The following MIA2 variants were observed in gnomAD, a reference collection of about 807,000 sequenced individuals.
MIA2 encodes MIA SH3 domain ER export factor 2.
In MIA2, 127 loss-of-function variants were observed where a neutral mutation model predicts 167.8. The ratio of observed to expected loss-of-function variants is 0.76; its 90% CI spans 0.66 to 0.88. The LOEUF (loss-of-function observed/expected upper bound fraction) is 0.88, where lower values mean the gene tolerates loss of function less well. Among genes scored for constraint, MIA2 ranks in the 40% least tolerant of loss-of-function variants. The pLI is 0.00. For synonymous variants in MIA2, 552 were observed against 541.9 expected, an observed-to-expected ratio of 1.02 and a Z score of -0.26; for missense variants, 1,690 against 1,624.7, an observed-to-expected ratio of 1.04 and a Z score of -0.69.
At chr14:39,264,262 C>T (rs1314759729) in intron 6 of MIA2, among the ~76,000 whole-genome samples, 1 of 152,164 alleles carries the variant, frequency 6.6e-6, no homozygotes, top group Non-Finnish European at 1.5e-5. Flanking sequence ...ATCCACGTTG[C>T]TGCAAAGAAT....
At chr14:39,334,430 G>C (rs1262958338) in intron 25 of MIA2, among the ~76,000 whole-genome samples, 3 of 150,854 alleles carry the variant, frequency 2.0e-5, no homozygotes, top group African/African-American at 7.3e-5. Context: ...AGCCGAGATT[G>C]CGCCACTGCA....
intron 25 of MIA2, among the ~76,000 whole-genome samples, chr14:39,342,451 G>T (rs1034678323): frequency 1.3e-5 from 2 of 152,116 alleles, no homozygotes; most frequent in Non-Finnish European, 2.9e-5. Flanking sequence ...TTGCTATTGT[G>T]AATAGTGCCT....
chr14:39,250,835 G>A (rs908532699), intron 4 of MIA2, among the ~76,000 whole-genome samples: 3 of 150,764 alleles, frequency 2.0e-5, no homozygotes, highest in Admixed American at 1.3e-4. Context: ...TAGTTTTGAG[G>A]AACTTTTATG....
chr14:39,326,785 C>T, intron 24 of MIA2, 79 bp from the exon 25 acceptor site: 6 of 1,266,836 alleles, frequency 4.7e-6, no homozygotes, highest in Non-Finnish European at 3.2e-6. Flanking sequence ...ATGATTTAAC[C>T]ACTGATTTTA....
chr14:39,244,263 G>A (rs779694275), intron 3 of MIA2, among the ~76,000 whole-genome samples: 55 of 152,314 alleles, frequency 3.6e-4, no homozygotes, highest in Non-Finnish European at 5.4e-4. Flanking sequence ...TGGGAAAGGG[G>A]GATTCTACTT....
At chr14:39,311,838 TTTTTTTTTTGAGA>T (rs2064350696) in intron 18 of MIA2, among the ~76,000 whole-genome samples, 1 of 149,034 alleles carries the variant, frequency 6.7e-6, no homozygotes, top group African/African-American at 2.5e-5. Flanking sequence ...GTGTGTGTGT[TTTTTTTTTTGAGA>T]TAGAGTCTAG....
At chr14:39,302,290 C>A in intron 15 of MIA2, 41 bp downstream of exon 15, 1 of 1,602,834 alleles carries the variant, frequency 6.2e-7, no homozygotes, top group Non-Finnish European at 8.5e-7. Context: ...AAAATGGTGA[C>A]TAGCTCTTCT....
Position 39,252,871 on chromosome 14 carries a change from T to G in MIA2, c.1691T>G (p.Val564Gly). 1.2e-6 allele frequency: 2 copies of G among 1,614,040 alleles called. No individual in the cohort carries two copies. The highest frequency in any genetic ancestry group is 1.7e-6 in the Non-Finnish European group (2 of 1,179,950). The change falls in exon 5 of 29, where the codon GTG becomes GGG. Residue 564 changes from valine (V) to glycine (G), a missense_variant. By Grantham distance (109) the Val-to-Gly change is moderately radical (BLOSUM62 -3). Coordinates refer to ENST00000640607, the MANE Select transcript of MIA2 (RefSeq NM_001329214.4). ...GTAGACACCGAAGGGCCTGCTCTGG[T>G]GGAGATAGACAGATCTGTGGAAAAT... ...PSVDTEGPAL[V>G]EIDRSVENTL...
At chr14:39,342,875 A>G (rs1420729195) in intron 25 of MIA2, among the ~76,000 whole-genome samples, 1 of 152,172 alleles carries the variant, frequency 6.6e-6, no homozygotes, top group African/African-American at 2.4e-5. Context: ...GTTCTGTTTT[A>G]TCAGCTTTCC....
chr14:39,367,325 ATGCAGG>A (rs2074843193), intron 23 of MIA2, among the ~76,000 whole-genome samples: 1 of 152,088 alleles, frequency 6.6e-6, no homozygotes, highest in African/African-American at 2.4e-5. Context: ...GGATGTGGAG[ATGCAGG>A]GGCTGTTGAG....
In MIA2 at chr14:39,348,624, C is replaced by T. The variant is rs2073908997; in HGVS notation, c.3838-119C>T. On this transcript the variant is annotated intron_variant, in intron 27 of 28. Coordinates refer to ENST00000640607, the MANE Select transcript of MIA2 (RefSeq NM_001329214.4). ...AAGCTGTTTGAATCTTTCTCTAGAGCTTTCTAAGACTATCATGGAATGCTT... is the reference window on the plus strand; with the variant it reads ...AAGCTGTTTGAATCTTTCTCTAGAGTTTTCTAAGACTATCATGGAATGCTT... The T allele has an allele frequency of 4.3e-6, 6 of 1,392,570 alleles. No individual in the cohort carries two copies. In the East Asian group the frequency reaches 1.4e-4, roughly 32 times the overall value. The allele number at this position is 1,392,570 out of a possible 1,614,324, so 86.3% of individuals were successfully genotyped here. A position where few individuals can be genotyped will look rare whatever the true frequency, so the allele number is the denominator to read the frequency against.
chr14:39,286,437 G>T (rs1595066397), intron 9 of MIA2, among the ~76,000 whole-genome samples: 1 of 151,882 alleles, frequency 6.6e-6, no homozygotes, highest in Admixed American at 6.5e-5. Context: ...AGACTGTGGA[G>T]AGGGGAGAGG....
At chr14:39,344,549 T>G (rs1030699173) in intron 25 of MIA2, among the ~76,000 whole-genome samples, 5 of 152,194 alleles carry the variant, frequency 3.3e-5, no homozygotes, top group Admixed American at 2.6e-4. Context: ...TAATTCTCTT[T>G]ATTGACTCTC....
intron 23 of MIA2, among the ~76,000 whole-genome samples, chr14:39,359,110 T>A (rs1274446943): frequency 1.3e-5 from 2 of 152,262 alleles, no homozygotes; most frequent in East Asian, 3.9e-4. Flanking sequence ...TCTGCAGAGG[T>A]TTCTGCTGCC....
intron 23 of MIA2, among the ~76,000 whole-genome samples, chr14:39,374,128 A>G (rs1338789976): frequency 6.6e-6 from 1 of 152,246 alleles, no homozygotes. Context: ...AAAGTCCAAT[A>G]TGAGCCTTGT....
chr14:39,327,445 T>G (rs1303194160), intron 25 of MIA2, among the ~76,000 whole-genome samples: 1 of 152,236 alleles, frequency 6.6e-6, no homozygotes, highest in African/African-American at 2.4e-5. Context: ...CTCTGTGCAG[T>G]TGTACCATTC....
rs1213913495 is a variant in MIA2 at position 39,317,976 on chromosome 14, T to C, written c.3249T>C (p.Asn1083=). The C allele has an allele frequency of 6.3e-7, 1 of 1,583,340 alleles. No individual in the cohort carries two copies. Among genetic ancestry groups the C allele is most frequent in the Non-Finnish European group, 8.6e-7 (1 of 1,168,662 alleles). ...CTCGGAATGCTGAAAGAAACCTCAA[T>C]GATTTAAGGAAAGAAAATGCTCACA... ...LAARNAERNL[N]DLRKENAHNR... The change falls in exon 22 of 29, where the codon AAT becomes AAC. Residue 1083 remains asparagine, a synonymous_variant. Coordinates refer to ENST00000640607, the MANE Select transcript of MIA2 (RefSeq NM_001329214.4).
Position 39,234,027 on chromosome 14 carries a change from G to C in MIA2, c.-88G>C. ...TTTTCTCTTATAGTTAGTGAAGAGA[G>C]TAGAATATCTCCAGTTTTGGCTGAC... is the stretch of plus-strand genomic sequence containing the variant. On this transcript the variant is annotated 5_prime_UTR_variant, in exon 1 of 29. Coordinates refer to ENST00000640607, the MANE Select transcript of MIA2 (RefSeq NM_001329214.4). The C allele has an allele frequency of 1.4e-6, 1 of 712,192 alleles. No homozygotes were observed. The allele number at this position is 712,192 out of a possible 1,614,324, so 44.1% of individuals were successfully genotyped here.
chr14:39,377,207 G>A (rs1048165322), intron 23 of MIA2, among the ~76,000 whole-genome samples: 2 of 149,782 alleles, frequency 1.3e-5, no homozygotes, highest in African/African-American at 4.9e-5. Context: ...GAAGTCTCAT[G>A]TCCTACAAAG....
Sources: allele counts gnomAD v4.1 joint callset (sites outside exome capture counted in the v4.1 genomes callset), GRCh38; gene constraint gnomAD v4.1.1; transcripts MANE v1.5; gene names NCBI Gene and HGNC (gene_info 2026-07-23, HGNC 2026-07-21).